The following ZNF668 variants were observed in gnomAD, a reference collection of about 807,000 sequenced individuals.
ZNF668 encodes zinc finger protein 668.
A neutral mutation model predicts 40.3 loss-of-function variants in ZNF668; 10 were observed. The observed-to-expected ratio is 0.25, with a 90% CI of 0.15 to 0.42. ZNF668 has a LOEUF of 0.42. Among genes scored for constraint, ZNF668 ranks in the 10% least tolerant of loss-of-function variants. The pLI is 1.00. For missense variants in ZNF668, 749 were observed against 904.6 expected, an observed-to-expected ratio of 0.83 and a Z score of 2.21; for synonymous variants, 428 against 384.6, an observed-to-expected ratio of 1.11 and a Z score of -1.32.
At chr16:31,070,492 G>A (rs1051021318) in intron 1 of ZNF668, among the ~76,000 whole-genome samples, 2 of 151,852 alleles carry the variant, frequency 1.3e-5, no homozygotes, top group African/African-American at 4.8e-5. Context: ...ACAGGCATGA[G>A]CCACCGCACC....
rs957406267 is a variant in ZNF668 at position 31,073,696 on chromosome 16, G to A, written c.-60C>T. The A allele has an allele frequency of 2.0e-5, 3 of 152,208 alleles. No homozygotes were observed. The highest frequency in any genetic ancestry group is 7.2e-5 in the African/African-American group (3 of 41,448). 9.4% of individuals were successfully genotyped at this position (152,208 alleles called of 1,614,324 possible). ...GTGCTGACTCCGTGGCGTCGGCGTCGGCTCCTCGCACCGACGGAGCCCGGA... is the reference window on the plus strand; with the variant it reads ...GTGCTGACTCCGTGGCGTCGGCGTCAGCTCCTCGCACCGACGGAGCCCGGA... On this transcript the variant is annotated 5_prime_UTR_variant, in exon 1 of 3. Coordinates refer to ENST00000300849, the MANE Select transcript of ZNF668 (RefSeq NM_024706.5).
At chr16:31,062,763 C>CAAAAAAAAAAAAAAAAAAAA (rs58786460) in intron 2 of ZNF668, 2 of 63,056 alleles carry the variant, frequency 3.2e-5, no homozygotes, top group African/African-American at 6.6e-5. Context: ...GACTCCGTCT[C>CAAAAAAAAAAAAAAAAAAAA]AAAAAAAAAA....
rs758138214 is a variant in ZNF668, at chr16:31,061,474, T to C, written c.1454A>G (p.Glu485Gly). Residue 485 changes from glutamate (E) to glycine (G), a missense_variant, in exon 3 of 3, where the codon GAA becomes GGA. This residue lies in a region of ZNF668 where 310 missense variants were observed against 355.1 expected (regional missense o/e 0.87). Coordinates refer to ENST00000300849, the MANE Select transcript of ZNF668 (RefSeq NM_024706.5). The surrounding 1 kb of genome is among the most constrained non-coding windows in gnomAD (Gnocchi z 7.7). The part of the protein sequence containing the change: ...QVVGMTVEHV[E>G]CQDAGVREAP... ...CTCCCGGACACCAGCATCTTGGCAT[T>C]CCACATGCTCCACCGTCATGCCCAC... 2 of 1,613,452 alleles carry C rather than the reference T, an allele frequency of 1.2e-6. No homozygotes were observed. The highest frequency in any genetic ancestry group is 1.7e-6 in the Non-Finnish European group (2 of 1,179,946).
At chr16:31,068,237 AAAATAT>A (rs1401310641) in intron 1 of ZNF668, among the ~76,000 whole-genome samples, 4 of 80,278 alleles carry the variant, frequency 5.0e-5, no homozygotes, top group African/African-American at 2.0e-4. Context: ...AAAAAAAAAA[AAAATAT>A]ATATATATAT....
At position 31,061,289 on chromosome 16, in the gene ZNF668, T is replaced by C. The variant is rs1331709721; in HGVS notation, c.1639A>G (p.Thr547Ala). Residue 547 changes from threonine to alanine, a missense_variant, in exon 3 of 3, where the codon ACC (threonine) becomes GCC (alanine). By Grantham distance (58) the Thr-to-Ala change is moderately conservative. Coordinates refer to ENST00000300849, the MANE Select transcript of ZNF668 (RefSeq NM_024706.5). This position sits in a 1 kb window ranked among gnomAD's most constrained non-coding sequence, Gnocchi z 7.7. ...SHPELRPFPC[T>A]QCGKSFSDRA... ...TCAGAGAAGCTCTTGCCGCACTGGG[T>C]GCAGGGGAAGGGCCGGAGCTCCGGG... is the stretch of plus-strand genomic sequence containing the variant. 1.9e-6 allele frequency: 3 copies of C among 1,568,126 alleles called. No individual in the cohort carries two copies. The highest frequency in any genetic ancestry group is 2.4e-5 in the South Asian group (2 of 82,596).
chr16:31,066,168 C>T, intron 1 of ZNF668: 2 of 985,430 alleles, frequency 2.0e-6, no homozygotes, highest in Non-Finnish European at 2.4e-6. Flanking sequence ...AGCCGGTCTT[C>T]TCCCAAAAGT....
At chr16:31,068,264 A>ATATATG (rs759680502) in intron 1 of ZNF668, among the ~76,000 whole-genome samples, 1,440 of 111,506 alleles carry the variant, frequency 0.013, 61 homozygotes, top group Non-Finnish European at 0.021. Context: ...ATATATATAT[A>ATATATG]TAATTTTTGA....
In ZNF668 at chr16:31,064,296, T is replaced by G; in HGVS notation, c.164A>C (p.Glu55Ala). The change falls in exon 2 of 3, where the codon GAG (glutamate) becomes GCG (alanine). Residue 55 changes from glutamate (E) to alanine (A), a missense_variant. Glu to Ala is a moderately radical substitution (Grantham distance 107). This residue lies in a region of ZNF668 where 159 missense variants were observed against 139.8 expected (regional missense o/e 1.14). Coordinates refer to ENST00000300849, the MANE Select transcript of ZNF668 (RefSeq NM_024706.5). ...TTCTGTCTCTGGCTTTGGCTTCACC[T>G]CGGCCACCTCTTCAGAGCAGTCTGC... Reference protein sequence around the residue: ...GPADCSEEVAEVKPKPETEAK... With the variant: ...GPADCSEEVAAVKPKPETEAK... 6.2e-7 allele frequency: 1 copy of G among 1,613,800 alleles called. No homozygotes were observed. Among genetic ancestry groups the G allele is most frequent in the South Asian group, 1.1e-5 (1 of 91,080 alleles).
In ZNF668 at chr16:31,064,187, C is replaced by T. The variant is rs1205256532; in HGVS notation, c.273G>A (p.Lys91=). 9 of 1,612,112 alleles carry T rather than the reference C, an allele frequency of 5.6e-6. No individual in the cohort carries two copies. Among genetic ancestry groups the T allele is most frequent in the Non-Finnish European group, 7.6e-6 (9 of 1,179,968 alleles). The stretch of plus-strand genomic sequence containing the variant: ...GCAGCTCGGGTGCCGTCTTGTAGGC[C>T]TTGGGGCATAGCGGACACGCATAGG... ...PRPYACPLCP[K]AYKTAPELRS... is the part of the protein sequence containing the mutation. Residue 91 remains lysine (K), a synonymous_variant, in exon 2 of 3, where the codon AAG becomes AAA. Transcript: ENST00000300849.
chr16:31,072,998 C>G (rs892206088), intron 1 of ZNF668: 10 of 152,254 alleles, frequency 6.6e-5, no homozygotes, highest in African/African-American at 2.2e-4. Flanking sequence ...AATGGGGTCC[C>G]TTAAGTTTGT....
intron 1 of ZNF668, chr16:31,066,252 C>A (rs1481116795): frequency 1.0e-6 from 1 of 985,354 alleles, no homozygotes; most frequent in Admixed American, 6.1e-5. Context: ...TCCCCAGGTC[C>A]TTCCTGCTTG....
intron 2 of ZNF668, 47 bp from the exon 3 acceptor site, chr16:31,062,327 G>A (rs1452550868): frequency 6.5e-7 from 1 of 1,543,116 alleles, no homozygotes; most frequent in African/African-American, 1.4e-5. Flanking sequence ...GACCCATAAC[G>A]TGACCCCACT....
intron 2 of ZNF668, among the ~76,000 whole-genome samples, chr16:31,063,510 C>T (rs1468709944): frequency 6.6e-6 from 1 of 152,100 alleles, no homozygotes; most frequent in African/African-American, 2.4e-5. Flanking sequence ...ACTCACACCT[C>T]CTGGTCTCCA....
rs201112431 is a variant in ZNF668, at chr16:31,064,115, G to A, written c.345C>T (p.Pro115=). ...GCTGCATGAAGCGGCGGCCGCACTC[G>A]GGGCACGGAAAGGGCTTCTCCCCCG... ...SHTGEKPFPC[P]ECGRRFMQPV... is the part of the protein sequence containing the mutation. Residue 115 remains proline, a synonymous_variant, in exon 2 of 3, where the codon CCC becomes CCT. Transcript: ENST00000300849. 1 of 1,605,606 alleles carries A rather than the reference G, an allele frequency of 6.2e-7. No homozygotes were observed. The highest frequency in any genetic ancestry group is 2.2e-5 in the East Asian group (1 of 44,770).
chr16:31,068,490 G>A (rs1180658565), intron 1 of ZNF668, among the ~76,000 whole-genome samples: 7 of 149,388 alleles, frequency 4.7e-5, no homozygotes, highest in Non-Finnish European at 8.9e-5. Context: ...CCAAAGTGCT[G>A]GGATTACAGG....
At chr16:31,064,765 G>A in intron 1 of ZNF668, 2 of 1,498,096 alleles carry the variant, frequency 1.3e-6, no homozygotes, top group East Asian at 2.5e-5. Flanking sequence ...CAAACACTGT[G>A]GCATTCCCAG....
chr16:31,068,217 C>G (rs2056990621), intron 1 of ZNF668, among the ~76,000 whole-genome samples: 1 of 6,720 alleles, frequency 1.5e-4, no homozygotes, highest in Admixed American at 2.5e-3. Context: ...AACATCCCAC[C>G]ATTAAAAAAA....
Position 31,064,403 on chromosome 16 carries a change from G to A in ZNF668, c.57C>T (p.Gly19=). The A allele has an allele frequency of 6.2e-7, 1 of 1,613,380 alleles. No individual in the cohort carries two copies. Among genetic ancestry groups the A allele is most frequent in the African/African-American group, 1.3e-5 (1 of 75,074 alleles). The change falls in exon 2 of 3, where the codon GGC becomes GGT. Residue 19 remains glycine, a synonymous_variant. Transcript: ENST00000300849. ...RSPAPGYKRS[G]RRYKCLSCTK... ...TACAGGACAGGCACTTGTAGCGGCG[G>A]CCCGAGCGCTTGTAGCCGGGGGCTG... is the stretch of plus-strand genomic sequence containing the variant.
At position 31,063,727 on chromosome 16, in the gene ZNF668, C is replaced by T. The variant is rs2056954738; in HGVS notation, c.647+86G>A. The T allele has an allele frequency of 2.9e-6, 4 of 1,387,882 alleles. No homozygotes were observed. In the South Asian group the frequency reaches 4.5e-5, roughly 16 times the overall value. The allele number at this position is 1,387,882 out of a possible 1,614,324, so 86.0% of individuals were successfully genotyped here. A position where few individuals can be genotyped will look rare whatever the true frequency, so the allele number is the denominator to read the frequency against. On this transcript the variant is annotated intron_variant, in intron 2 of 2. Coordinates refer to ENST00000300849, the MANE Select transcript of ZNF668 (RefSeq NM_024706.5). ...CCACCTTCCCATTGGCTCACTTTAC[C>T]CTGAGACTCAAACCCAGGCCCCATT...
Sources: allele counts gnomAD v4.1 joint callset (sites outside exome capture counted in the v4.1 genomes callset), GRCh38; gene constraint gnomAD v4.1.1; regional missense constraint gnomAD v4.1.1; non-coding constraint Gnocchi (gnomAD v3.1); transcripts MANE v1.5; gene names NCBI Gene and HGNC (gene_info 2026-07-23, HGNC 2026-07-21).